VKORC1L1: variants seen among roughly 807,000 people sequenced by gnomAD.
The protein encoded by VKORC1L1 is vitamin K epoxide reductase complex subunit 1-like protein 1.
In VKORC1L1, 2 loss-of-function variants were observed where a neutral mutation model predicts 18.9. That is an observed-to-expected ratio of 0.11 (90% confidence interval 0.04 to 0.33). VKORC1L1 has a LOEUF of 0.33. Among genes scored for constraint, VKORC1L1 ranks in the 10% least tolerant of loss-of-function variants. The pLI, the probability that VKORC1L1 is intolerant of heterozygous loss-of-function variation, is 1.00. For missense variants in VKORC1L1, 123 were observed against 224.1 expected (o/e 0.55, Z 2.88); for synonymous variants, 96 against 100.0 (o/e 0.96, Z 0.24).
At chr7:65,880,049 C>G (rs1307641039) in intron 1 of VKORC1L1, among the ~76,000 whole-genome samples, 1 of 152,034 alleles carries the variant, frequency 6.6e-6, no homozygotes, top group Non-Finnish European at 1.5e-5. Context: ...GTGACGAGGT[C>G]TCACTTTGTT....
At chr7:65,884,046 A>G (rs1788973054) in intron 1 of VKORC1L1, among the ~76,000 whole-genome samples, 1 of 152,194 alleles carries the variant, frequency 6.6e-6, no homozygotes, top group Non-Finnish European at 1.5e-5. Context: ...CAGTATACTC[A>G]ACTCCACTGT....
At chr7:65,934,352 A>G (rs1283759016) in intron 1 of VKORC1L1, among the ~76,000 whole-genome samples, 5 of 152,224 alleles carry the variant, frequency 3.3e-5, no homozygotes, top group African/African-American at 1.2e-4. Context: ...TACTTAACAT[A>G]TCCATCACCT....
At position 65,929,172 on chromosome 7, in the gene VKORC1L1, G is replaced by T. The variant is rs370613390; in HGVS notation, c.195-19499G>T. ...GCCTGTAATCCCAGCACTTTGGAAG[G>T]CTGAGGCAGACGCATCACCTGAGGT... On this transcript the variant is annotated intron_variant, in intron 1 of 2. Transcript: ENST00000360768. 3.9e-5 allele frequency among the ~76,000 whole-genome samples: 6 copies of T among 152,258 alleles called. No homozygotes were observed. In the East Asian group the frequency reaches 7.7e-4, roughly 20 times the overall value.
chr7:65,907,448 A>T (rs982048056), intron 1 of VKORC1L1, among the ~76,000 whole-genome samples: 7 of 152,186 alleles, frequency 4.6e-5, no homozygotes, highest in South Asian at 2.1e-4. Flanking sequence ...AATAAATAAA[A>T]TAAATAAATG....
At chr7:65,924,142 G>A (rs918766234) in intron 1 of VKORC1L1, among the ~76,000 whole-genome samples, 8 of 152,178 alleles carry the variant, frequency 5.3e-5, no homozygotes, top group African/African-American at 1.7e-4. Flanking sequence ...TTCCCAGTAA[G>A]GAATGTGAGA....
chr7:65,898,157 C>T (rs1483042965), intron 1 of VKORC1L1, among the ~76,000 whole-genome samples: 73 of 131,758 alleles, frequency 5.5e-4, no homozygotes, highest in African/African-American at 1.9e-3. Context: ...GGCACGATCT[C>T]GGCTCACTGC....
intron 2 of VKORC1L1, among the ~76,000 whole-genome samples, chr7:65,951,366 G>T (rs1235932174): frequency 6.6e-6 from 1 of 152,126 alleles, no homozygotes; most frequent in Non-Finnish European, 1.5e-5. Context: ...ACGAGGTCAG[G>T]AGTTCAAGAC....
chr7:65,883,781 A>G, intron 1 of VKORC1L1, among the ~76,000 whole-genome samples: 1 of 145,538 alleles, frequency 6.9e-6, no homozygotes, highest in East Asian at 2.2e-4. Flanking sequence ...TACAGGTGCA[A>G]GCCACCACAC....
At chr7:65,927,688 A>G (rs957034023) in intron 1 of VKORC1L1, among the ~76,000 whole-genome samples, 8 of 152,112 alleles carry the variant, frequency 5.3e-5, no homozygotes, top group African/African-American at 1.7e-4. Flanking sequence ...GACTTCGCCT[A>G]TTGGTAGTTG....
intron 1 of VKORC1L1, among the ~76,000 whole-genome samples, chr7:65,891,192 C>T (rs1789105814): frequency 1.3e-5 from 2 of 150,414 alleles, no homozygotes; most frequent in Admixed American, 6.7e-5. Context: ...ATTATATTAC[C>T]CTTTGTTTAT....
chr7:65,920,171 A>T (rs927270767), intron 1 of VKORC1L1, among the ~76,000 whole-genome samples: 2 of 152,032 alleles, frequency 1.3e-5, no homozygotes, highest in Admixed American at 6.6e-5. Context: ...CCGACTTCAA[A>T]TTTTGAATAT....
chr7:65,874,546 G>A (rs1398671637), intron 1 of VKORC1L1, among the ~76,000 whole-genome samples: 2 of 152,042 alleles, frequency 1.3e-5, no homozygotes, highest in Admixed American at 1.3e-4. Context: ...AGTGGCTCAC[G>A]CCTGTAATCC....
intron 1 of VKORC1L1, among the ~76,000 whole-genome samples, chr7:65,882,769 G>C (rs2116336461): frequency 6.6e-6 from 1 of 152,238 alleles, no homozygotes; most frequent in African/African-American, 2.4e-5. Flanking sequence ...ACTGCCTAAT[G>C]CATATATCAG....
At chr7:65,942,167 A>G (rs143781164) in intron 1 of VKORC1L1, among the ~76,000 whole-genome samples, 8 of 152,226 alleles carry the variant, frequency 5.3e-5, no homozygotes, top group African/African-American at 1.7e-4. Context: ...AAGCAATGAT[A>G]TTTCTAGTAA....
intron 1 of VKORC1L1, among the ~76,000 whole-genome samples, chr7:65,907,270 G>A (rs1476750182): frequency 5.3e-5 from 8 of 151,932 alleles, no homozygotes; most frequent in East Asian, 1.9e-4. Flanking sequence ...GTGAAACCCC[G>A]TCTCTACTAA....
chr7:65,937,895 C>T (rs1455665882), intron 1 of VKORC1L1, among the ~76,000 whole-genome samples: 1 of 152,124 alleles, frequency 6.6e-6, no homozygotes, highest in Non-Finnish European at 1.5e-5. Context: ...ATTATTTGAT[C>T]TCCTTAGATC....
intron 1 of VKORC1L1, among the ~76,000 whole-genome samples, chr7:65,939,016 A>G (rs797012586): frequency 5.3e-5 from 8 of 152,336 alleles, no homozygotes; most frequent in African/African-American, 1.9e-4. Context: ...AAGATTCTCA[A>G]AGACTGGGTG....
chr7:65,937,045 T>A (rs1361871050), intron 1 of VKORC1L1, among the ~76,000 whole-genome samples: 1 of 152,206 alleles, frequency 6.6e-6, no homozygotes, highest in African/African-American at 2.4e-5. Context: ...TACGCTGTCA[T>A]CATGCTCTCC....
chr7:65,873,832 C>T (rs544349818), intron 1 of VKORC1L1, among the ~76,000 whole-genome samples: 1 of 148,484 alleles, frequency 6.7e-6, no homozygotes, highest in African/African-American at 2.5e-5. Flanking sequence ...GCCGGGAGGC[C>T]GGGGCGGACG....
Sources: allele counts gnomAD v4.1 joint callset (sites outside exome capture counted in the v4.1 genomes callset), GRCh38; gene constraint gnomAD v4.1.1; transcripts MANE v1.5; gene names NCBI Gene and HGNC (gene_info 2026-07-23, HGNC 2026-07-21).